TENM4: variants seen among roughly 807,000 people sequenced by gnomAD.
TENM4 encodes the protein teneurin transmembrane protein 4.
A neutral mutation model predicts 243.3 loss-of-function variants in TENM4; 82 were observed. The ratio of observed to expected loss-of-function variants is 0.34; its 90% CI spans 0.28 to 0.40. The LOEUF (loss-of-function observed/expected upper bound fraction) is 0.40. Among genes scored for constraint, TENM4 ranks in the 10% least tolerant of loss-of-function variants. The pLI is 1.00. For missense variants in TENM4, 3,138 were observed against 3,673.3 expected, an observed-to-expected ratio of 0.85 and a Z score of 3.77; for synonymous variants, 1,412 against 1,456.3, an observed-to-expected ratio of 0.97 and a Z score of 0.69.
At chr11:78,879,465 C>CCCG (rs1859368569) in intron 9 of TENM4, among the ~76,000 whole-genome samples, 2 of 88,226 alleles carry the variant, frequency 2.3e-5, no homozygotes, top group Admixed American at 1.1e-4. Context: ...GCCCGGCCGC[C>CCCG]ACACCGTCTG....
chr11:79,280,930 A>C (rs1856147111), intron 2 of TENM4, among the ~76,000 whole-genome samples: 1 of 152,226 alleles, frequency 6.6e-6, no homozygotes, highest in Non-Finnish European at 1.5e-5. Context: ...AGGTGGTTTA[A>C]CATCTTTTTT....
At chr11:79,111,044 G>A (rs940506092) in intron 4 of TENM4, among the ~76,000 whole-genome samples, 5 of 152,116 alleles carry the variant, frequency 3.3e-5, no homozygotes, top group South Asian at 2.1e-4. Flanking sequence ...GGAGGGAGCC[G>A]GTGGGAGACA....
At chr11:78,825,199 C>T (rs1397667129) in intron 12 of TENM4, among the ~76,000 whole-genome samples, 1 of 152,178 alleles carries the variant, frequency 6.6e-6, no homozygotes, top group African/African-American at 2.4e-5. Context: ...GTCTGAATTC[C>T]AACCGTGTGA....
intron 30 of TENM4, among the ~76,000 whole-genome samples, chr11:78,673,868 T>A (rs1357781700): frequency 6.6e-6 from 1 of 152,208 alleles, no homozygotes; most frequent in East Asian, 1.9e-4. Context: ...ATGACCTGGT[T>A]ATAATAAGGT....
intron 1 of TENM4, among the ~76,000 whole-genome samples, chr11:79,382,500 C>T (rs1590926458): frequency 6.6e-6 from 1 of 152,170 alleles, no homozygotes; most frequent in Admixed American, 6.5e-5. Context: ...CATCTGCAAT[C>T]CCCCATGCCC....
chr11:79,121,784 A>G (rs559431857), intron 4 of TENM4, among the ~76,000 whole-genome samples: 2 of 152,284 alleles, frequency 1.3e-5, no homozygotes, highest in East Asian at 1.9e-4. Flanking sequence ...GAGTTTAACA[A>G]TACTGGATAG....
intron 6 of TENM4, among the ~76,000 whole-genome samples, chr11:79,026,601 G>T (rs1459161788): frequency 6.6e-6 from 1 of 152,096 alleles, no homozygotes; most frequent in Non-Finnish European, 1.5e-5. Flanking sequence ...GTGCTTTTTT[G>T]AATATCTACT....
At chr11:78,683,837 AAG>A (rs1858586597) in intron 29 of TENM4, among the ~76,000 whole-genome samples, 1 of 152,178 alleles carries the variant, frequency 6.6e-6, no homozygotes, top group Admixed American at 6.5e-5. Flanking sequence ...ACGGTGAAAA[AAG>A]CAAATTTCAG....
intron 3 of TENM4, among the ~76,000 whole-genome samples, chr11:79,195,280 A>G (rs114029866): frequency 0.01 from 1,565 of 152,306 alleles, 24 homozygotes; most frequent in African/African-American, 0.035. Context: ...GAGCCCCCAT[A>G]GAGAGTCCCT....
intron 1 of TENM4, among the ~76,000 whole-genome samples, chr11:79,361,322 G>GTT (rs1565314847): frequency 6.6e-6 from 1 of 152,188 alleles, no homozygotes; most frequent in Non-Finnish European, 1.5e-5. Flanking sequence ...ATTCTTACCA[G>GTT]CCTCAAATAC....
intron 2 of TENM4, among the ~76,000 whole-genome samples, chr11:79,225,363 T>G (rs925881873): frequency 2.6e-5 from 4 of 152,164 alleles, no homozygotes; most frequent in African/African-American, 9.7e-5. Flanking sequence ...TCTCTGCCTT[T>G]TCTCTGGCTG....
intron 3 of TENM4, among the ~76,000 whole-genome samples, chr11:79,207,491 A>G (rs1231574841): frequency 6.6e-6 from 1 of 152,182 alleles, no homozygotes; most frequent in African/African-American, 2.4e-5. Flanking sequence ...GGAGATGGAC[A>G]CACTTTGGAA....
At chr11:78,957,401 C>A (rs1239491228) in intron 6 of TENM4, among the ~76,000 whole-genome samples, 1 of 152,192 alleles carries the variant, frequency 6.6e-6, no homozygotes, top group Admixed American at 6.5e-5. Context: ...CTGTTAGAAA[C>A]AGGCACAATT....
intron 24 of TENM4, among the ~76,000 whole-genome samples, chr11:78,720,937 C>A (rs2135837248): frequency 6.6e-6 from 1 of 152,260 alleles, no homozygotes; most frequent in East Asian, 1.9e-4. Flanking sequence ...TGATAATATA[C>A]TTCTAAATTT....
intron 3 of TENM4, among the ~76,000 whole-genome samples, chr11:79,175,386 G>T (rs1415012085): frequency 6.6e-6 from 1 of 152,206 alleles, no homozygotes; most frequent in African/African-American, 2.4e-5. Context: ...GAATATCAGT[G>T]CTGGGTACTC....
In TENM4 at chr11:79,192,267, A is replaced by G. The variant is rs533314802; in HGVS notation, c.-163+23541T>C. Among the ~76,000 whole-genome samples the G allele has an allele frequency of 2.7e-3, 412 of 152,286 alleles. 1 individual carries two copies. The highest frequency in any genetic ancestry group is 4.5e-3 in the Non-Finnish European group (305 of 68,036). ...GGCCACCACCCCGTCTGGGAGGTGT[A>G]CCCAACAGCTCATTGAGAATGGGCC... On this transcript the variant is annotated intron_variant, in intron 3 of 33. Transcript: ENST00000278550.
chr11:78,907,905 G>A (rs750578796), intron 6 of TENM4, among the ~76,000 whole-genome samples: 1 of 152,186 alleles, frequency 6.6e-6, no homozygotes, highest in Non-Finnish European at 1.5e-5. Flanking sequence ...CCAAATGTGA[G>A]TCATTTTACT....
At position 79,066,679 on chromosome 11, in the gene TENM4, C is replaced by T. The variant is rs368007878; in HGVS notation, c.224-1672G>A. ...GTGCAAACATGCACATGCACACACA[C>T]GCACGCATGCACACTCGAGCACACA... is the stretch of plus-strand genomic sequence containing the variant. On this transcript the variant is annotated intron_variant, in intron 5 of 33. Coordinates refer to ENST00000278550, the MANE Select transcript of TENM4 (RefSeq NM_001098816.3). Among the ~76,000 whole-genome samples, 1,231 of 151,882 alleles carry T rather than the reference C, an allele frequency of 8.1e-3. 13 individuals are homozygous for T. The highest frequency in any genetic ancestry group is 0.028 in the African/African-American group (1,153 of 41,410).
At chr11:78,792,765 T>C (rs1489077815) in intron 15 of TENM4, among the ~76,000 whole-genome samples, 1 of 152,226 alleles carries the variant, frequency 6.6e-6, no homozygotes, top group Non-Finnish European at 1.5e-5. Flanking sequence ...TTGTTAAATA[T>C]ATTATGTAGA....
Sources: allele counts gnomAD v4.1 joint callset (sites outside exome capture counted in the v4.1 genomes callset), GRCh38; gene constraint gnomAD v4.1.1; transcripts MANE v1.5; gene names NCBI Gene and HGNC (gene_info 2026-07-23, HGNC 2026-07-21).